ULK2: variants seen among roughly 807,000 people sequenced by gnomAD.
ULK2 encodes serine/threonine-protein kinase ULK2.
In ULK2, 76 loss-of-function variants were observed where a neutral mutation model predicts 127.5. The ratio of observed to expected loss-of-function variants is 0.60; its 90% CI spans 0.50 to 0.72. The LOEUF is 0.72. Ranked by LOEUF, ULK2 falls within the 30% of genes least tolerant of loss-of-function variation. The probability of loss-of-function intolerance (pLI) is 0.00; values close to 1 mark genes in which losing one functional copy is unlikely to be tolerated. For synonymous variants in ULK2, 452 were observed against 461.9 expected, an observed-to-expected ratio of 0.98 and a Z score of 0.28; for missense variants, 1,144 against 1,295.9, an observed-to-expected ratio of 0.88 and a Z score of 1.80.
At chr17:19,826,001 A>AAATAAATGAATAAAT (rs1555560386) in intron 11 of ULK2, 138 bp downstream of exon 11, 1 of 125,786 alleles carries the variant, frequency 8.0e-6, no homozygotes, top group Non-Finnish European at 1.7e-5. Flanking sequence ...AAAAAAAAAA[A>AAATAAATGAATAAAT]AAATAAATAA....
Position 19,815,246 on chromosome 17 carries a change from ATTTT to A in ULK2, c.1096+1499_1096+1502del, listed in dbSNP as rs150073942. Among the ~76,000 whole-genome samples the A allele has an allele frequency of 4.8e-3, 726 of 151,024 alleles. 25 individuals carry two copies. The East Asian group carries it at 0.09, about 19-fold the overall frequency. ...AGGCACTTTAGCTGTACTTAACAGC[ATTTT>A]TTTTTGTTTGTTTTTTTGTTTGTTT... On this transcript the variant is annotated intron_variant, in intron 13 of 26. Transcript: ENST00000395544.
At chr17:19,867,245 G>T in intron 1 of ULK2, 83 bp downstream of exon 1, 2 of 1,161,248 alleles carry the variant, frequency 1.7e-6, no homozygotes, top group East Asian at 3.1e-5. Context: ...CGGGGGTCTC[G>T]GCTCGCGGCT....
chr17:19,833,361 A>G (rs906313823), intron 10 of ULK2, among the ~76,000 whole-genome samples: 9 of 63,176 alleles, frequency 1.4e-4, no homozygotes, highest in African/African-American at 3.7e-4. Flanking sequence ...CAGTTATTAT[A>G]AACAAATTTT....
At position 19,797,565 on chromosome 17, in the gene ULK2, G is replaced by A; in HGVS notation, c.1640C>T (p.Ser547Phe). Residue 547 changes from serine (S) to phenylalanine (F), a missense_variant, in exon 18 of 27, where the codon TCT (serine) becomes TTT (phenylalanine). By Grantham distance (155) the Ser-to-Phe change is radical. Around this residue, in one of 2 missense-constraint regions of ULK2, gnomAD observed 913 missense variants for 970.5 expected, o/e 0.94. Transcript: ENST00000395544. ...QNKQKLRKQHSDPVCPSHTGA... is the reference protein window; with the variant it reads ...QNKQKLRKQHFDPVCPSHTGA... ...AGTATGGGATGGGCACACGGGGTCA[G>A]AGTGCTGTTTTCTGAGCTTCTGCTT... is the stretch of plus-strand genomic sequence containing the variant. The A allele has an allele frequency of 1.2e-6, 2 of 1,613,924 alleles. No homozygotes were observed. The highest frequency in any genetic ancestry group is 1.7e-4 in the Middle Eastern group (1 of 6,060).
intron 13 of ULK2, among the ~76,000 whole-genome samples, chr17:19,814,736 G>A (rs545602630): frequency 2.6e-4 from 39 of 152,018 alleles, no homozygotes; most frequent in African/African-American, 8.9e-4. Context: ...TGTAGAGAAA[G>A]AATCTCACTA....
intron 9 of ULK2, among the ~76,000 whole-genome samples, chr17:19,839,925 C>T (rs2041697089): frequency 6.6e-6 from 1 of 151,678 alleles, no homozygotes; most frequent in African/African-American, 2.4e-5. Context: ...GGAGTCCACC[C>T]TAACAAAATG....
rs904049178 is a variant in ULK2 at position 19,818,805 on chromosome 17, T to C, written c.925-1885A>G. Reference sequence around the variant, plus strand: ...CATTTCTTTTCTTTTTTCTTTTTTTTTTTTTTTTTTTTTGAGATGGAGTCT... The same window carrying C: ...CATTTCTTTTCTTTTTTCTTTTTTTCTTTTTTTTTTTTTGAGATGGAGTCT... On this transcript the variant is annotated intron_variant, in intron 12 of 26. Coordinates refer to ENST00000395544, the MANE Select transcript of ULK2 (RefSeq NM_014683.4). Among the ~76,000 whole-genome samples, 291 of 134,884 alleles carry C rather than the reference T, an allele frequency of 2.2e-3. 1 individual carries two copies. The highest frequency in any genetic ancestry group is 7.6e-3 in the African/African-American group (253 of 33,362). The allele number at this position is 134,884 out of a possible 152,430, so 88.5% of individuals were successfully genotyped here. A position where few individuals can be genotyped will look rare whatever the true frequency, so the allele number is the denominator to read the frequency against.
intron 3 of ULK2, among the ~76,000 whole-genome samples, chr17:19,859,157 A>G (rs2042191194): frequency 6.6e-6 from 1 of 151,942 alleles, no homozygotes; most frequent in Non-Finnish European, 1.5e-5. Context: ...AAATGTTTTA[A>G]AAGATATTTT....
chr17:19,836,295 G>C (rs1052529787), intron 10 of ULK2, among the ~76,000 whole-genome samples: 1 of 152,152 alleles, frequency 6.6e-6, no homozygotes, highest in Admixed American at 6.5e-5. Context: ...TGTAATCCCA[G>C]TTACTCAGAA....
chr17:19,785,793 A>C, intron 21 of ULK2, 144 bp downstream of exon 21: 4 of 1,026,748 alleles, frequency 3.9e-6, no homozygotes, highest in Non-Finnish European at 5.3e-6. Context: ...TAAGATAAAG[A>C]AAATAGTAAT....
At chr17:19,828,235 A>G (rs755779093) in intron 10 of ULK2, among the ~76,000 whole-genome samples, 1 of 152,230 alleles carries the variant, frequency 6.6e-6, no homozygotes, top group Non-Finnish European at 1.5e-5. Context: ...TCATTACCAC[A>G]AGACCTCCCC....
At chr17:19,782,185 C>G (rs1049322822) in intron 22 of ULK2, 118 bp from the exon 23 acceptor site, 33 of 1,097,702 alleles carry the variant, frequency 3.0e-5, no homozygotes, top group Non-Finnish European at 3.9e-5. Context: ...ATCAGAATGA[C>G]AAAAGGAGAT....
At chr17:19,856,459 G>A (rs2042128194) in intron 3 of ULK2, among the ~76,000 whole-genome samples, 2 of 151,536 alleles carry the variant, frequency 1.3e-5, no homozygotes, top group Admixed American at 1.3e-4. Flanking sequence ...GCAGGTGCCT[G>A]TAGTCCCAGC....
intron 6 of ULK2, 151 bp from the exon 7 acceptor site, chr17:19,845,528 C>T (rs1376133076): frequency 1.7e-6 from 1 of 580,250 alleles, no homozygotes. Flanking sequence ...AAAAAAGTAG[C>T]TACCTTGATT....
At chr17:19,838,647 G>C (rs997251212) in intron 9 of ULK2, 64 bp from the exon 10 acceptor site, 6 of 1,404,916 alleles carry the variant, frequency 4.3e-6, no homozygotes, top group Non-Finnish European at 5.9e-6. Context: ...ATTAACTTTT[G>C]CCTTCCATAT....
Position 19,799,505 on chromosome 17 carries a change from T to C in ULK2, c.1512A>G (p.Arg504=), listed in dbSNP as rs1322371930. ...AATACATTATCCTACCTGAGGAGTT[T>C]CTACTCCTGGAGTCATGGCCCTGAG... is the stretch of plus-strand genomic sequence containing the variant. ...GHPQGHDSRS[R]NSSGSPVPQA... Residue 504 remains arginine (R), a synonymous_variant, in exon 17 of 27, where the codon AGA becomes AGG. Transcript: ENST00000395544. 1 of 1,578,082 alleles carries C rather than the reference T, an allele frequency of 6.3e-7. No homozygotes were observed. The highest frequency in any genetic ancestry group is 1.4e-5 in the African/African-American group (1 of 72,712).
At chr17:19,786,687 CTGGGTGACAGAGTGAGGCTCCGTCTCAAA>C (rs1282758945) in intron 20 of ULK2, among the ~76,000 whole-genome samples, 1 of 147,728 alleles carries the variant, frequency 6.8e-6, no homozygotes, top group East Asian at 2.0e-4. Context: ...GCACTCCAGC[CTGGGTGACAGAGTGAGGCTCCGTCTCAAA>C]AAAAAAAAAA....
chr17:19,801,524 T>C (rs548945901), intron 16 of ULK2, among the ~76,000 whole-genome samples: 37 of 152,220 alleles, frequency 2.4e-4, no homozygotes, highest in Non-Finnish European at 4.7e-4. Context: ...GAGGCTGCAG[T>C]GAGCCGAGAT....
chr17:19,825,342 A>G (rs185278180), intron 11 of ULK2, among the ~76,000 whole-genome samples, 160 bp from the exon 12 acceptor site: 2 of 152,370 alleles, frequency 1.3e-5, no homozygotes, highest in Admixed American at 1.3e-4. Context: ...AAATGCAGCA[A>G]TTACTAAAAC....
Sources: allele counts gnomAD v4.1 joint callset (sites outside exome capture counted in the v4.1 genomes callset), GRCh38; gene constraint gnomAD v4.1.1; regional missense constraint gnomAD v4.1.1; transcripts MANE v1.5; gene names NCBI Gene and HGNC (gene_info 2026-07-23, HGNC 2026-07-21).